ZNF728: variants seen among roughly 807,000 people sequenced by gnomAD.
The protein encoded by ZNF728 is zinc finger protein 728.
Under a neutral mutation model 12.5 loss-of-function variants are expected in ZNF728, and 12 were observed. That is an observed-to-expected ratio of 0.96 (90% confidence interval 0.61 to 1.55). The LOEUF (loss-of-function observed/expected upper bound fraction) is 1.55, where lower values mean the gene tolerates loss of function less well. Among genes scored for constraint, ZNF728 ranks in the 40% most tolerant of loss-of-function variants. ZNF728 has a pLI of 0.00. For synonymous variants in ZNF728, 205 were observed against 240.7 expected (o/e 0.85, Z 1.37); for missense variants, 692 against 719.2 (o/e 0.96, Z 0.43).
rs1240852091 is a variant in ZNF728 at position 22,976,281 on chromosome 19, G to A, written c.1056C>T (p.Phe352=). ...TTACCTTATGTTTAGTAAGGGTTGA[G>A]AAGTTACCAAAGGCTTTGCCACATT... The part of the protein sequence containing the change: ...CEECGKAFGN[F]STLTKHKVIH... Residue 352 remains phenylalanine (F), a synonymous_variant, in exon 4 of 4, where the codon TTC becomes TTT. Transcript: ENST00000594710. 1.9e-6 allele frequency: 3 copies of A among 1,612,684 alleles called. No individual in the cohort carries two copies. In the Admixed American group the frequency reaches 5.0e-5, roughly 27 times the overall value.
chr19:22,998,366 A>T (rs1240082811), intron 1 of ZNF728, among the ~76,000 whole-genome samples: 1 of 151,866 alleles, frequency 6.6e-6, no homozygotes, highest in Non-Finnish European at 1.5e-5. Flanking sequence ...AAAAAAAAAA[A>T]AACATAAAGA....
chr19:23,003,066 G>T lies in ZNF728; in HGVS notation c.-36C>A. 6.4e-7 allele frequency: 1 copy of T among 1,574,106 alleles called. No homozygotes were observed. Among genetic ancestry groups the T allele is most frequent in the Non-Finnish European group, 8.6e-7 (1 of 1,160,568 alleles). On this transcript the variant is annotated 5_prime_UTR_variant, in exon 1 of 4. Coordinates refer to ENST00000594710, the MANE Select transcript of ZNF728 (RefSeq NM_001267716.2). Reference sequence around the variant, plus strand: ...CCGGGGGTCCTGGCGACTTAGTTGTGAATCTCCCAATACCTGCAGGTCACA... The same window carrying T: ...CCGGGGGTCCTGGCGACTTAGTTGTTAATCTCCCAATACCTGCAGGTCACA...
rs755842615 is a variant in ZNF728 at position 22,976,971 on chromosome 19, C to G, written c.366G>C (p.Glu122Asp). 6.2e-7 allele frequency: 1 copy of G among 1,613,542 alleles called. No homozygotes were observed. The highest frequency in any genetic ancestry group is 1.3e-5 in the African/African-American group (1 of 75,010). ...QLKIGCTNVD[E>D]CKVHKKGYNK... The stretch of plus-strand genomic sequence containing the variant: ...TATAACCTTTTTTGTGCACCTTACA[C>G]TCATCCACATTGGTACAACCAATTT... Residue 122 changes from glutamate to aspartate, a missense_variant, in exon 4 of 4, where the codon GAG becomes GAC. Glu to Asp is a conservative substitution (Grantham distance 45). Around this residue, in one of 3 missense-constraint regions of ZNF728, gnomAD observed 440 missense variants for 459.6 expected, o/e 0.96. Transcript: ENST00000594710.
In ZNF728 at chr19:22,976,455, A is replaced by G; in HGVS notation, c.882T>C (p.Ser294=). Reference sequence around the variant, plus strand: ...TATGTGCAGTAAGGGTTGAGGCCTTACTAAAGGCTTTGCCACATTCTTCAC... The same window carrying G: ...TATGTGCAGTAAGGGTTGAGGCCTTGCTAAAGGCTTTGCCACATTCTTCAC... ...YKCEECGKAF[S]KASTLTAHKT... is the part of the protein sequence containing the mutation. The change falls in exon 4 of 4, where the codon AGT becomes AGC. Residue 294 remains serine, a synonymous_variant. Transcript: ENST00000594710. The G allele has an allele frequency of 2.5e-6, 4 of 1,611,208 alleles. No individual in the cohort carries two copies. Among genetic ancestry groups the G allele is most frequent in the Non-Finnish European group, 3.4e-6 (4 of 1,179,310 alleles).
rs1179516706 is a variant in ZNF728, at chr19:23,003,086, G to C, written c.-56C>G. 42 of 1,549,990 alleles carry C rather than the reference G, an allele frequency of 2.7e-5. No homozygotes were observed. The highest frequency in any genetic ancestry group is 3.2e-5 in the Non-Finnish European group (37 of 1,149,312). On this transcript the variant is annotated 5_prime_UTR_variant, in exon 1 of 4. Transcript: ENST00000594710. ...GTTGTGAATCTCCCAATACCTGCAG[G>C]TCACAGGGCCATAGAAGCTGGGCCT...
chr19:22,978,470 C>T (rs1201477130), intron 3 of ZNF728, among the ~76,000 whole-genome samples: 15 of 152,144 alleles, frequency 9.9e-5, no homozygotes, highest in South Asian at 2.1e-4. Flanking sequence ...CTGAAAATAA[C>T]GTAACATAAA....
chr19:22,978,538 C>T (rs1020679342), intron 3 of ZNF728, among the ~76,000 whole-genome samples: 3 of 152,176 alleles, frequency 2.0e-5, no homozygotes, highest in African/African-American at 7.2e-5. Context: ...TCAAGTGGGT[C>T]CCTGACACCC....
intron 1 of ZNF728, among the ~76,000 whole-genome samples, chr19:22,994,504 G>T (rs1447049819): frequency 6.6e-6 from 1 of 152,178 alleles, no homozygotes. Context: ...CAGTCAATTT[G>T]CTCAAGAGAT....
chr19:22,997,730 A>T (rs540729391), intron 1 of ZNF728, among the ~76,000 whole-genome samples: 415 of 147,132 alleles, frequency 2.8e-3, no homozygotes, highest in South Asian at 7.7e-3. Flanking sequence ...AATCTATTTA[A>T]AAAAAAAAAA....
At chr19:22,983,815 G>C (rs1599528518) in intron 3 of ZNF728, among the ~76,000 whole-genome samples, 1 of 152,034 alleles carries the variant, frequency 6.6e-6, no homozygotes, top group African/African-American at 2.4e-5. Flanking sequence ...CGACAACACA[G>C]GGACACAGGA....
Position 22,976,098 on chromosome 19 carries a change from TTTAG to T in ZNF728, c.1235_1238del (p.Thr412AsnfsTer4). On this transcript the variant is annotated frameshift_variant, in exon 4 of 4. Coordinates refer to ENST00000594710, the MANE Select transcript of ZNF728 (RefSeq NM_001267716.2). LOFTEE classifies it low-confidence loss of function (END_TRUNC). ...TCTCTCCAGTATGAATTATCTTATG[TTTAG>T]TAAGTGTTGAGGACCACTTAAAGGT... 6.2e-7 allele frequency: 1 copy of T among 1,612,844 alleles called. No homozygotes were observed. Among genetic ancestry groups the T allele is most frequent in the South Asian group, 1.1e-5 (1 of 91,066 alleles).
At chr19:23,000,404 A>AC (rs1969095616) in intron 1 of ZNF728, among the ~76,000 whole-genome samples, 1 of 151,776 alleles carries the variant, frequency 6.6e-6, no homozygotes, top group African/African-American at 2.4e-5. Flanking sequence ...AAAAAAAAAA[A>AC]CACCAGAGAA....
At chr19:22,982,789 T>C (rs1321045004) in intron 3 of ZNF728, among the ~76,000 whole-genome samples, 1 of 152,096 alleles carries the variant, frequency 6.6e-6, no homozygotes, top group African/African-American at 2.4e-5. Context: ...TAAATGGTGT[T>C]GAAAAAACTG....
intron 1 of ZNF728, among the ~76,000 whole-genome samples, chr19:23,002,561 T>C (rs952674664): frequency 3.3e-5 from 5 of 152,232 alleles, no homozygotes; most frequent in Non-Finnish European, 7.3e-5. Context: ...AACCCATAGC[T>C]GGGTGCTCTA....
At chr19:22,991,805 C>A (rs191254395) in intron 1 of ZNF728, among the ~76,000 whole-genome samples, 1 of 152,136 alleles carries the variant, frequency 6.6e-6, no homozygotes, top group Admixed American at 6.5e-5. Context: ...TGGGGCAGAG[C>A]GTACAGCCAA....
At position 22,975,511 on chromosome 19, in the gene ZNF728, G is replaced by A. The variant is rs745471731; in HGVS notation, c.1826C>T (p.Thr609Ile). The A allele has an allele frequency of 1.3e-6, 2 of 1,559,862 alleles. No individual in the cohort carries two copies. Among genetic ancestry groups the A allele is most frequent in the East Asian group, 4.6e-5 (2 of 43,108 alleles). Residue 609 changes from threonine to isoleucine, a missense_variant, in exon 4 of 4, where the codon ACT becomes ATT. By Grantham distance (89) the Thr-to-Ile change is moderately conservative. Coordinates refer to ENST00000594710, the MANE Select transcript of ZNF728 (RefSeq NM_001267716.2). The part of the protein sequence containing the change: ...KDFNQSSHLT[T>I]HKRIHTGGKT... ...TCCTCCAGTATGAATTCTCTTATGA[G>A]TAGTAAGGTGTGAGGATTGGTTGAA...
At chr19:22,987,137 C>T (rs1026203815) in intron 3 of ZNF728, among the ~76,000 whole-genome samples, 171 bp downstream of exon 3, 22 of 152,128 alleles carry the variant, frequency 1.4e-4, no homozygotes, top group African/African-American at 5.3e-4. Context: ...ATTTTAAAAG[C>T]ATAAGACAGA....
At chr19:23,001,968 T>C (rs2145358454) in intron 1 of ZNF728, among the ~76,000 whole-genome samples, 1 of 152,162 alleles carries the variant, frequency 6.6e-6, no homozygotes, top group Middle Eastern at 3.4e-3. Context: ...TGAAAATAAT[T>C]AAGTGGCTGG....
chr19:22,987,138 A>G (rs951565543), intron 3 of ZNF728, among the ~76,000 whole-genome samples, 170 bp downstream of exon 3: 2 of 152,220 alleles, frequency 1.3e-5, no homozygotes, highest in Non-Finnish European at 2.9e-5. Flanking sequence ...TTTTAAAAGC[A>G]TAAGACAGAA....
Sources: allele counts gnomAD v4.1 joint callset (sites outside exome capture counted in the v4.1 genomes callset), GRCh38; gene constraint gnomAD v4.1.1; regional missense constraint gnomAD v4.1.1; transcripts MANE v1.5; gene names NCBI Gene and HGNC (gene_info 2026-07-23, HGNC 2026-07-21).